The following NRG3 variants were observed in gnomAD, a reference collection of about 807,000 sequenced individuals.
The protein encoded by NRG3 is pro-neuregulin-3, membrane-bound isoform.
In NRG3, 31 loss-of-function variants were observed where a neutral mutation model predicts 66.9. The observed-to-expected ratio is 0.46, with a 90% CI of 0.35 to 0.63. The LOEUF (loss-of-function observed/expected upper bound fraction) is 0.63, where lower values mean the gene tolerates loss of function less well. Among genes scored for constraint, NRG3 ranks in the 20% least tolerant of loss-of-function variants. NRG3 has a pLI of 0.00. For synonymous variants in NRG3, 393 were observed against 359.4 expected (o/e 1.09, Z -1.06); for missense variants, 910 against 878.9 (o/e 1.04, Z -0.45).
chr10:82,818,774 C>T (rs1315771511), intron 3 of NRG3, among the ~76,000 whole-genome samples: 2 of 152,138 alleles, frequency 1.3e-5, no homozygotes, highest in Non-Finnish European at 1.5e-5. Context: ...TCCACTGTCT[C>T]CCAACGCATC....
At chr10:81,944,182 A>C (rs1166302842) in intron 1 of NRG3, among the ~76,000 whole-genome samples, 1 of 152,264 alleles carries the variant, frequency 6.6e-6, no homozygotes, top group Non-Finnish European at 1.5e-5. Context: ...GTAAGCAGAC[A>C]AAAAGAAATC....
intron 1 of NRG3, among the ~76,000 whole-genome samples, chr10:82,312,424 G>T (rs1266632943): frequency 6.6e-6 from 1 of 152,172 alleles, no homozygotes; most frequent in Non-Finnish European, 1.5e-5. Context: ...AATCTGAAAT[G>T]CCATCAAGCA....
chr10:82,095,690 T>C (rs1206866505), intron 1 of NRG3, among the ~76,000 whole-genome samples: 2 of 152,210 alleles, frequency 1.3e-5, no homozygotes, highest in African/African-American at 4.8e-5. Context: ...AGGCTAATTC[T>C]CTGTCAATGC....
At chr10:82,049,429 G>T (rs981732946) in intron 1 of NRG3, among the ~76,000 whole-genome samples, 2 of 151,948 alleles carry the variant, frequency 1.3e-5, no homozygotes, top group African/African-American at 4.8e-5. Flanking sequence ...TTTTTCTGCT[G>T]TTGCAGTTAG....
intron 2 of NRG3, among the ~76,000 whole-genome samples, chr10:82,390,254 C>T (rs2086264761): frequency 6.6e-6 from 1 of 152,132 alleles, no homozygotes; most frequent in Admixed American, 6.5e-5. Flanking sequence ...TCTTTAATGG[C>T]ATTTCCCTAT....
intron 1 of NRG3, among the ~76,000 whole-genome samples, chr10:82,276,363 C>G (rs933719906): frequency 6.6e-6 from 1 of 151,876 alleles, no homozygotes; most frequent in African/African-American, 2.4e-5. Flanking sequence ...ACTTCTTATT[C>G]TCAATTAGAA....
At chr10:82,632,568 C>T (rs891580298) in intron 2 of NRG3, among the ~76,000 whole-genome samples, 1 of 152,146 alleles carries the variant, frequency 6.6e-6, no homozygotes, top group African/African-American at 2.4e-5. Context: ...AACTCATTAT[C>T]GTATTTCATT....
At chr10:82,035,424 C>T (rs1478404016) in intron 1 of NRG3, among the ~76,000 whole-genome samples, 3 of 152,100 alleles carry the variant, frequency 2.0e-5, no homozygotes, top group African/African-American at 4.8e-5. Context: ...TGGCCATGCA[C>T]TGTGTTTTCT....
chr10:82,586,883 A>G (rs563383679), intron 2 of NRG3, among the ~76,000 whole-genome samples: 2 of 152,242 alleles, frequency 1.3e-5, no homozygotes, highest in East Asian at 3.9e-4. Flanking sequence ...TTGAAGAGGA[A>G]ATGGATTGGA....
intron 1 of NRG3, among the ~76,000 whole-genome samples, chr10:82,218,266 T>G (rs187223209): frequency 3.3e-5 from 5 of 152,322 alleles, no homozygotes; most frequent in Admixed American, 6.5e-5. Flanking sequence ...TATTACGTGA[T>G]TAGTCTTCCT....
chr10:82,461,226 ACAC>A lies in NRG3; in HGVS notation c.953+102377_953+102379del, dbSNP rs377700934. Among the ~76,000 whole-genome samples the A allele has an allele frequency of 7.3e-3, 1,082 of 147,912 alleles. 15 individuals carry two copies. The highest frequency in any genetic ancestry group is 0.025 in the African/African-American group (995 of 39,108). On this transcript the variant is annotated intron_variant, in intron 2 of 8. Coordinates refer to ENST00000372141, the MANE Select transcript of NRG3 (RefSeq NM_001010848.4). Reference sequence around the variant, plus strand: ...ACCATTAACACCATTACCACCATCAACACCACCACCACCACCACCACTGCCACC... The same window carrying A: ...ACCATTAACACCATTACCACCATCAACACCACCACCACCACCACTGCCACC...
chr10:82,552,011 C>G (rs2044342690), intron 2 of NRG3, among the ~76,000 whole-genome samples: 1 of 152,096 alleles, frequency 6.6e-6, no homozygotes, highest in Non-Finnish European at 1.5e-5. Context: ...TAGTTTCCCA[C>G]AGCCTGGAAT....
intron 2 of NRG3, among the ~76,000 whole-genome samples, chr10:82,488,674 C>T (rs1375832557): frequency 6.6e-6 from 1 of 152,082 alleles, no homozygotes; most frequent in South Asian, 2.1e-4. Flanking sequence ...GAAGCTGCCT[C>T]TGAGGGTGGG....
At chr10:82,601,693 G>A (rs534060921) in intron 2 of NRG3, among the ~76,000 whole-genome samples, 53 of 148,344 alleles carry the variant, frequency 3.6e-4, no homozygotes, top group Middle Eastern at 3.4e-3. Context: ...CCCACTGTCT[G>A]CTACTGTAAG....
intron 2 of NRG3, among the ~76,000 whole-genome samples, chr10:82,523,186 A>G (rs1846367121): frequency 6.6e-6 from 1 of 152,158 alleles, no homozygotes; most frequent in Non-Finnish European, 1.5e-5. Context: ...GTTATTTCAC[A>G]TTTTGGCTAT....
intron 4 of NRG3, among the ~76,000 whole-genome samples, chr10:82,909,984 A>G (rs559642117): frequency 2.6e-5 from 4 of 152,340 alleles, no homozygotes; most frequent in Non-Finnish European, 4.4e-5. Context: ...TTAATGAAAA[A>G]TAGAAAAACA....
intron 1 of NRG3, among the ~76,000 whole-genome samples, chr10:82,209,184 C>T (rs1183544302): frequency 6.6e-6 from 1 of 152,134 alleles, no homozygotes; most frequent in Non-Finnish European, 1.5e-5. Flanking sequence ...TCTTGCTTGG[C>T]ACACAGCTAA....
intron 4 of NRG3, among the ~76,000 whole-genome samples, chr10:82,876,515 G>A (rs1841832684): frequency 6.6e-6 from 1 of 152,140 alleles, no homozygotes; most frequent in African/African-American, 2.4e-5. Context: ...ATGCTTCTTT[G>A]TCAGAGAGCA....
chr10:82,517,005 A>T (rs1470592118), intron 2 of NRG3, among the ~76,000 whole-genome samples: 1 of 152,210 alleles, frequency 6.6e-6, no homozygotes, highest in African/African-American at 2.4e-5. Context: ...TTTGCATTTA[A>T]CAAGTTTTTA....
Sources: gnomAD v4.1 joint callset for allele counts (sites outside exome capture counted in the v4.1 genomes callset) on GRCh38, gnomAD v4.1.1 for gene constraint, MANE v1.5 for transcripts, NCBI Gene and HGNC (gene_info 2026-07-23, HGNC 2026-07-21) for gene names.